Variants in CIROZ observed in about 807,000 individuals in gnomAD.
CIROZ encodes ciliated left-right organizer protein containing ZP-N domains.
the CIROZ span, among the ~76,000 whole-genome samples, chr1:10,980,698 T>TC: frequency 1.3e-5 from 2 of 152,156 alleles, no homozygotes; most frequent in Admixed American, 6.5e-5. Flanking sequence ...TAGACAGCTC[T>TC]CCCCTCCGTC....
the CIROZ span, among the ~76,000 whole-genome samples, chr1:10,973,871 C>T: frequency 6.6e-6 from 1 of 152,110 alleles, no homozygotes; most frequent in Admixed American, 6.5e-5. Context: ...GCAGGATCTG[C>T]CTTCCCGGGT....
chr1:10,955,248 A>G, the CIROZ span: 1 of 1,481,380 alleles, frequency 6.8e-7, no homozygotes. Context: ...TGGACAAATT[A>G]AGTGGTGGTG....
chr1:10,947,354 C>T, the CIROZ span, among the ~76,000 whole-genome samples: 3,616 of 152,342 alleles, frequency 0.024, 143 homozygotes, highest in African/African-American at 0.082. Context: ...CCTCTTCCCT[C>T]GGGGAGGTCC....
chr1:10,955,681 A>G, the CIROZ span, among the ~76,000 whole-genome samples: 1 of 152,106 alleles, frequency 6.6e-6, no homozygotes, highest in African/African-American at 2.4e-5. Context: ...CATCTCTACT[A>G]AAAACACAAA....
the CIROZ span, among the ~76,000 whole-genome samples, chr1:10,976,736 A>G: frequency 6.6e-6 from 1 of 151,092 alleles, no homozygotes; most frequent in Non-Finnish European, 1.5e-5. Context: ...AAGAAATAGA[A>G]GAACAAAATA....
At chr1:10,952,147 T>C in the CIROZ span, among the ~76,000 whole-genome samples, 2 of 152,062 alleles carry the variant, frequency 1.3e-5, no homozygotes. Flanking sequence ...GAATTCATAC[T>C]AGAGGGAGAG....
chr1:10,957,000 T>C, the CIROZ span: 1 of 1,540,380 alleles, frequency 6.5e-7, no homozygotes, highest in Middle Eastern at 1.7e-4. Context: ...AAGGTGGACA[T>C]TAGGGGCACT....
the CIROZ span, chr1:10,949,357 T>G: frequency 1.9e-6 from 1 of 520,930 alleles, no homozygotes; most frequent in Non-Finnish European, 3.5e-6. Flanking sequence ...CTCCTTTGGC[T>G]GTGTCTCAAG....
chr1:10,957,864 G>A, the CIROZ span: 110 of 1,284,858 alleles, frequency 8.6e-5, no homozygotes, highest in Admixed American at 1.8e-3. Context: ...AGGGTCACGG[G>A]GAGGATAATC....
At chr1:10,952,384 G>A in the CIROZ span, among the ~76,000 whole-genome samples, 2 of 152,098 alleles carry the variant, frequency 1.3e-5, no homozygotes, top group Non-Finnish European at 2.9e-5. Context: ...TGCTGTTGCT[G>A]ATCTATTTTT....
At chr1:10,951,500 T>C in the CIROZ span, among the ~76,000 whole-genome samples, 1 of 150,122 alleles carries the variant, frequency 6.7e-6, no homozygotes, top group Non-Finnish European at 1.5e-5. Context: ...GAGCCAAGAT[T>C]GCGTCATTGC....
chr1:10,981,022 G>A, the CIROZ span, among the ~76,000 whole-genome samples: 1 of 152,248 alleles, frequency 6.6e-6, no homozygotes, highest in African/African-American at 2.4e-5. Context: ...ACGGCCCAAA[G>A]GCCACAAGCC....
the CIROZ span, chr1:10,957,224 A>G: frequency 2.6e-6 from 2 of 758,608 alleles, no homozygotes; most frequent in Non-Finnish European, 4.1e-6. Flanking sequence ...TAAAGCCCCA[A>G]GTGTTACAAA....
the CIROZ span, among the ~76,000 whole-genome samples, chr1:10,966,664 T>C: frequency 6.6e-6 from 1 of 152,204 alleles, no homozygotes; most frequent in Non-Finnish European, 1.5e-5. Context: ...GAAAGCCCGA[T>C]GGTTCTTCAT....
chr1:10,968,493 C>G, the CIROZ span, among the ~76,000 whole-genome samples: 11 of 152,192 alleles, frequency 7.2e-5, no homozygotes, highest in Non-Finnish European at 1.3e-4. Flanking sequence ...AGATCAAGGC[C>G]GTGCCTCTGG....
the CIROZ span, among the ~76,000 whole-genome samples, chr1:10,975,812 T>C: frequency 6.6e-6 from 1 of 152,068 alleles, no homozygotes. Context: ...CGCGTCATCA[T>C]CTAAAAGTCT....
the CIROZ span, chr1:10,948,781 T>C: frequency 6.6e-7 from 1 of 1,517,944 alleles, no homozygotes; most frequent in Non-Finnish European, 8.8e-7. Flanking sequence ...CTGGGGAGAA[T>C]GGAGGCAGAT....
At chr1:10,953,887 G>GT in the CIROZ span, 1 of 1,309,108 alleles carries the variant, frequency 7.6e-7, no homozygotes, top group Non-Finnish European at 1.0e-6. Flanking sequence ...CACTTACCTT[G>GT]TAGGTGTGGG....
At chr1:10,972,574 T>C in the CIROZ span, among the ~76,000 whole-genome samples, 9 of 152,314 alleles carry the variant, frequency 5.9e-5, no homozygotes, top group Admixed American at 2.6e-4. Context: ...ACAAGGCACC[T>C]GGGCCCTGGA....
Sources: allele counts gnomAD v4.1 joint callset (sites outside exome capture counted in the v4.1 genomes callset), GRCh38; gene constraint gnomAD v4.1.1; transcripts MANE v1.5; gene names NCBI Gene and HGNC (gene_info 2026-07-23, HGNC 2026-07-21).